SMIM35: variants seen among roughly 807,000 people sequenced by gnomAD.
SMIM35 encodes the protein small integral membrane protein 35, also known as TMPRSS4 antisense RNA 1 (non-protein coding).
chr11:118,040,720 T>G (rs748284316), intron 1 of SMIM35, among the ~76,000 whole-genome samples: 7 of 152,108 alleles, frequency 4.6e-5, no homozygotes, highest in Non-Finnish European at 8.8e-5. Context: ...ATAACTGATT[T>G]AAAAAGCAAT....
chr11:118,014,571 CCTT>C (rs1221110725), intron 3 of SMIM35, 134 bp downstream of exon 3: 25 of 397,124 alleles, frequency 6.3e-5, no homozygotes, highest in Non-Finnish European at 1.1e-4. Flanking sequence ...ATTCTCGTGC[CCTT>C]CTTTTATTTT....
intron 4 of SMIM35, among the ~76,000 whole-genome samples, chr11:118,010,772 G>A (rs1425922235): frequency 6.6e-6 from 1 of 152,186 alleles, no homozygotes; most frequent in Non-Finnish European, 1.5e-5. Context: ...AGCGTGGCAG[G>A]GGAACCCGGA....
intron 1 of SMIM35, among the ~76,000 whole-genome samples, chr11:118,071,440 C>T (rs139330381): frequency 6.6e-6 from 1 of 152,360 alleles, no homozygotes; most frequent in East Asian, 1.9e-4. Flanking sequence ...AGGGAGCCTG[C>T]TTTGCATCCC....
chr11:118,048,120 C>T (rs1223810371), intron 1 of SMIM35, among the ~76,000 whole-genome samples: 6 of 151,830 alleles, frequency 4.0e-5, no homozygotes, highest in East Asian at 2.0e-4. Flanking sequence ...TTTATTTTCA[C>T]GTTTTTAAGA....
chr11:118,043,211 G>A (rs1300979806), intron 1 of SMIM35, among the ~76,000 whole-genome samples: 1 of 152,030 alleles, frequency 6.6e-6, no homozygotes, highest in African/African-American at 2.4e-5. Context: ...AAATATCTCT[G>A]TTCACAGATA....
At chr11:118,078,013 C>CAA (rs148383275) in intron 1 of SMIM35, among the ~76,000 whole-genome samples, 93 of 71,030 alleles carry the variant, frequency 1.3e-3, no homozygotes, top group East Asian at 3.1e-3. Context: ...AACTCCGTCT[C>CAA]AAAAAAAAAA....
At chr11:118,011,798 A>G (rs1164810933) in intron 4 of SMIM35, among the ~76,000 whole-genome samples, 1 of 152,048 alleles carries the variant, frequency 6.6e-6, no homozygotes, top group Non-Finnish European at 1.5e-5. Flanking sequence ...AAGACAACTC[A>G]TCTCCCCTCC....
At chr11:118,067,885 A>ATG (rs1944506319) in intron 1 of SMIM35, among the ~76,000 whole-genome samples, 1 of 69,596 alleles carries the variant, frequency 1.4e-5, no homozygotes, top group Admixed American at 1.5e-4. Context: ...ATATATATAT[A>ATG]TATATATATA....
At chr11:118,066,902 T>C (rs1196992781) in intron 1 of SMIM35, among the ~76,000 whole-genome samples, 2 of 151,300 alleles carry the variant, frequency 1.3e-5, no homozygotes, top group Admixed American at 1.3e-4. Flanking sequence ...TAAAATGAGA[T>C]TGTTACAATT....
At position 118,023,606 on chromosome 11, in the gene SMIM35, A is replaced by G. The variant is rs114301112; in HGVS notation, c.8-7797T>C. Among the ~76,000 whole-genome samples the G allele has an allele frequency of 5.3e-3, 802 of 151,300 alleles. 8 individuals carry two copies. The highest frequency in any genetic ancestry group is 0.018 in the African/African-American group (754 of 41,212). On this transcript the variant is annotated intron_variant, in intron 1 of 4. Coordinates refer to ENST00000689828, the MANE Select transcript of SMIM35 (RefSeq NM_001394165.1). ...ATTATTTCCAGGGATGAAAACTACA[A>G]CATCTGAGATGAAAATTACATTGAA...
chr11:118,029,739 A>T (rs1301569979), intron 1 of SMIM35: 3 of 457,406 alleles, frequency 6.6e-6, no homozygotes, highest in Non-Finnish European at 1.3e-5. Context: ...CAGAAACACC[A>T]GCACCAGACT....
intron 1 of SMIM35, among the ~76,000 whole-genome samples, chr11:118,019,281 G>A (rs2058207275): frequency 6.6e-6 from 1 of 152,238 alleles, no homozygotes. Context: ...AAAACAATGG[G>A]CAAAGGTAGT....
Position 118,004,229 on chromosome 11 carries a change from C to T in SMIM35, c.*2181G>A, listed in dbSNP as rs182094102. ...CCAAATACCGTCACATTGGGAGTGA[C>T]AGCTTCAACATGAATTTGGGGAAGA... On this transcript the variant is annotated 3_prime_UTR_variant, in exon 5 of 5. Coordinates refer to ENST00000689828, the MANE Select transcript of SMIM35 (RefSeq NM_001394165.1). 6.6e-6 allele frequency: 1 copy of T among 152,190 alleles called. No homozygotes were observed. Among genetic ancestry groups the T allele is most frequent in the Non-Finnish European group, 1.5e-5 (1 of 68,060 alleles). The allele number at this position is 152,190 out of a possible 1,614,324, so 9.4% of individuals were successfully genotyped here. A position where few individuals can be genotyped will look rare whatever the true frequency, so the allele number is the denominator to read the frequency against.
intron 1 of SMIM35, among the ~76,000 whole-genome samples, chr11:118,045,392 C>T (rs1428818653): frequency 4.7e-5 from 7 of 150,032 alleles, no homozygotes. Flanking sequence ...CACCAAGTTG[C>T]GGTTCTCCCT....
chr11:118,033,034 G>A (rs78395111), intron 1 of SMIM35, among the ~76,000 whole-genome samples: 2,479 of 152,202 alleles, frequency 0.016, 109 homozygotes, highest in East Asian at 0.11. Flanking sequence ...GCATGCACAC[G>A]CATGGAAATT....
chr11:118,074,169 C>G (rs1433667581), intron 1 of SMIM35, among the ~76,000 whole-genome samples: 2 of 152,188 alleles, frequency 1.3e-5, no homozygotes, highest in Non-Finnish European at 2.9e-5. Context: ...GGGCCCTTTC[C>G]CAGGGCCCTG....
intron 1 of SMIM35, among the ~76,000 whole-genome samples, chr11:118,065,924 C>T (rs1458728524): frequency 1.3e-5 from 2 of 152,206 alleles, no homozygotes; most frequent in East Asian, 1.9e-4. Flanking sequence ...GGATGCAGCA[C>T]CCAGTGACCA....
chr11:118,045,362 T>TCC (rs1944082236), intron 1 of SMIM35, among the ~76,000 whole-genome samples: 1 of 64,038 alleles, frequency 1.6e-5, no homozygotes, highest in East Asian at 4.1e-4. Context: ...ACACACACAC[T>TCC]AGAGAGAGAG....
intron 3 of SMIM35, among the ~76,000 whole-genome samples, chr11:118,014,144 C>T (rs191007240): frequency 4.7e-4 from 72 of 152,310 alleles, no homozygotes; most frequent in African/African-American, 1.2e-3. Context: ...CTGATACCAT[C>T]TTGTGCCTGA....
Sources: allele counts gnomAD v4.1 joint callset (sites outside exome capture counted in the v4.1 genomes callset), GRCh38; gene constraint gnomAD v4.1.1; transcripts MANE v1.5; gene names NCBI Gene and HGNC (gene_info 2026-07-23, HGNC 2026-07-21).